Variants in CCDC192 observed in about 807,000 individuals in gnomAD.
The protein encoded by CCDC192 is coiled-coil domain containing 192, also known as coiled-coil domain-containing protein 192.
At chr5:127,846,160 G>A (rs565469750) in intron 5 of CCDC192, among the ~76,000 whole-genome samples, 19 of 151,870 alleles carry the variant, frequency 1.3e-4, no homozygotes, top group Middle Eastern at 3.4e-3. Context: ...GTGGTGGTGC[G>A]TGCCTGTAGT....
intron 5 of CCDC192, among the ~76,000 whole-genome samples, chr5:127,848,988 G>A (rs1034311366): frequency 6.6e-6 from 1 of 152,116 alleles, no homozygotes; most frequent in African/African-American, 2.4e-5. Context: ...CCAGCATTTT[G>A]GGAGGCTGAG....
chr5:127,899,561 C>CA (rs10537626), intron 6 of CCDC192, among the ~76,000 whole-genome samples: 56,769 of 137,152 alleles, frequency 0.41, 11,689 homozygotes, highest in African/African-American at 0.44. Context: ...CACACTGCAC[C>CA]AAAAAAAAAA....
At chr5:127,796,969 G>A (rs576452139) in intron 3 of CCDC192, 134 bp from the exon 4 acceptor site, 2 of 371,952 alleles carry the variant, frequency 5.4e-6, no homozygotes, top group South Asian at 1.5e-4. Context: ...TATCATCTAT[G>A]AGGAATGCTC....
At chr5:127,923,410 C>G (rs1225431112) in intron 6 of CCDC192, among the ~76,000 whole-genome samples, 3 of 150,388 alleles carry the variant, frequency 2.0e-5, no homozygotes, top group Non-Finnish European at 4.4e-5. Flanking sequence ...CAGAGTCTCA[C>G]TCTGCCTCCC....
chr5:127,778,371 C>T (rs530982587), intron 3 of CCDC192, among the ~76,000 whole-genome samples: 1 of 152,002 alleles, frequency 6.6e-6, no homozygotes, highest in Admixed American at 6.5e-5. Context: ...CTGAATTGAC[C>T]ATGTAGTATT....
At chr5:127,740,673 G>A (rs1281533366) in intron 2 of CCDC192, among the ~76,000 whole-genome samples, 1 of 152,054 alleles carries the variant, frequency 6.6e-6, no homozygotes, top group Non-Finnish European at 1.5e-5. Flanking sequence ...CCTCCAGTCT[G>A]AACAGTGTCA....
At chr5:127,839,644 A>G (rs146012799) in intron 5 of CCDC192, among the ~76,000 whole-genome samples, 2,395 of 152,264 alleles carry the variant, frequency 0.016, 25 homozygotes, top group South Asian at 0.03. Flanking sequence ...AAGTACCATT[A>G]CACAACATTG....
At chr5:127,737,867 G>A (rs1753117427) in intron 2 of CCDC192, among the ~76,000 whole-genome samples, 2 of 152,100 alleles carry the variant, frequency 1.3e-5, no homozygotes, top group African/African-American at 4.8e-5. Context: ...ACACTGATGA[G>A]TCTTGACTCT....
intron 3 of CCDC192, among the ~76,000 whole-genome samples, chr5:127,759,092 G>T (rs1349270989): frequency 6.6e-6 from 1 of 152,136 alleles, no homozygotes; most frequent in Non-Finnish European, 1.5e-5. Context: ...CTTTGTTCCT[G>T]CTCCACTATC....
At chr5:127,782,358 T>C (rs2126935478) in intron 3 of CCDC192, among the ~76,000 whole-genome samples, 1 of 152,330 alleles carries the variant, frequency 6.6e-6, no homozygotes, top group African/African-American at 2.4e-5. Context: ...GTTTCCTCTT[T>C]CTCTATCTTG....
At chr5:127,719,456 C>T (rs1359745606) in intron 2 of CCDC192, among the ~76,000 whole-genome samples, 1 of 133,586 alleles carries the variant, frequency 7.5e-6, no homozygotes, top group Admixed American at 8.0e-5. Flanking sequence ...TATATACATA[C>T]ATATATATAC....
chr5:127,872,055 A>G (rs765943691), intron 5 of CCDC192, among the ~76,000 whole-genome samples: 3 of 152,222 alleles, frequency 2.0e-5, no homozygotes, highest in Non-Finnish European at 2.9e-5. Flanking sequence ...TTTGATGTCT[A>G]TGACTAATAA....
At chr5:127,831,529 T>G (rs974716059) in intron 5 of CCDC192, among the ~76,000 whole-genome samples, 2 of 152,128 alleles carry the variant, frequency 1.3e-5, no homozygotes. Flanking sequence ...GTGTGTGTGT[T>G]TTTTAAGTAG....
At chr5:127,797,750 T>C (rs1757242934) in intron 4 of CCDC192, among the ~76,000 whole-genome samples, 1 of 30,984 alleles carries the variant, frequency 3.2e-5, no homozygotes, top group Non-Finnish European at 1.4e-4. Flanking sequence ...TATATATATA[T>C]ATATATATAT....
rs562689616 is a variant in CCDC192, at chr5:127,842,246, A to G, written c.412-33292A>G. Reference sequence around the variant, plus strand: ...TTTAATTTTTCTAGAGACAGGTCTCACTTTGCGGCTTAGCTTGGAGTACAG... The same window carrying G: ...TTTAATTTTTCTAGAGACAGGTCTCGCTTTGCGGCTTAGCTTGGAGTACAG... On this transcript the variant is annotated intron_variant, in intron 5 of 6. Transcript: ENST00000514853. 1.2e-4 allele frequency among the ~76,000 whole-genome samples: 18 copies of G among 152,338 alleles called. No individual in the cohort carries two copies. In the South Asian group the frequency reaches 3.5e-3, roughly 30 times the overall value.
intron 6 of CCDC192, among the ~76,000 whole-genome samples, chr5:127,905,378 A>G (rs967603732): frequency 6.6e-6 from 1 of 152,216 alleles, no homozygotes; most frequent in African/African-American, 2.4e-5. Context: ...AATATTGAAT[A>G]TTATTTAAGT....
At chr5:127,784,874 G>A in intron 3 of CCDC192, 1 of 453,308 alleles carries the variant, frequency 2.2e-6, no homozygotes, top group Non-Finnish European at 4.4e-6. Flanking sequence ...CTTCTGTTCA[G>A]TTTCATGGGC....
At chr5:127,862,736 C>T (rs138555380) in intron 5 of CCDC192, among the ~76,000 whole-genome samples, 145 of 152,200 alleles carry the variant, frequency 9.5e-4, no homozygotes, top group African/African-American at 3.4e-3. Flanking sequence ...TTTCTAACAG[C>T]CCCTGAATAT....
intron 5 of CCDC192, among the ~76,000 whole-genome samples, chr5:127,824,979 A>T (rs1749459355): frequency 1.3e-5 from 2 of 152,190 alleles, no homozygotes; most frequent in African/African-American, 4.8e-5. Flanking sequence ...AAGCACACAA[A>T]CTTCATCTTT....
Sources: allele counts gnomAD v4.1 joint callset (sites outside exome capture counted in the v4.1 genomes callset), GRCh38; gene constraint gnomAD v4.1.1; transcripts MANE v1.5; gene names NCBI Gene and HGNC (gene_info 2026-07-23, HGNC 2026-07-21).